SLC19A2: variants seen among roughly 807,000 people sequenced by gnomAD.
SLC19A2 encodes solute carrier family 19 member 2.
Under a neutral mutation model 44.7 loss-of-function variants are expected in SLC19A2, and 27 were observed. The observed-to-expected ratio is 0.60, with a 90% CI of 0.45 to 0.83. The LOEUF (loss-of-function observed/expected upper bound fraction) is 0.83. Among genes scored for constraint, SLC19A2 ranks in the 40% least tolerant of loss-of-function variants. The pLI, the probability that SLC19A2 is intolerant of heterozygous loss-of-function variation, is 0.00. For missense variants in SLC19A2, 566 were observed against 613.7 expected (o/e 0.92, Z 0.82); for synonymous variants, 239 against 243.6 (o/e 0.98, Z 0.18).
intron 1 of SLC19A2, among the ~76,000 whole-genome samples, chr1:169,478,246 T>C (rs540141892): frequency 6.6e-6 from 1 of 152,148 alleles, no homozygotes; most frequent in Non-Finnish European, 1.5e-5. Context: ...CCTAATAAAT[T>C]CTTCCCATTA....
At chr1:169,474,541 T>G (rs1658266451) in intron 2 of SLC19A2, among the ~76,000 whole-genome samples, 1 of 152,130 alleles carries the variant, frequency 6.6e-6, no homozygotes, top group South Asian at 2.1e-4. Flanking sequence ...AGACTCTCTT[T>G]AAAAATAACT....
intron 1 of SLC19A2, among the ~76,000 whole-genome samples, chr1:169,481,145 A>C (rs960806141): frequency 2.6e-5 from 4 of 152,206 alleles, no homozygotes; most frequent in African/African-American, 9.7e-5. Flanking sequence ...CATAATAACA[A>C]ACCTCTACTG....
In SLC19A2 at chr1:169,485,907, G is replaced by C. The variant is rs1658556624; in HGVS notation, c.-141C>G. The C allele has an allele frequency of 3.0e-6, 3 of 1,003,752 alleles. No homozygotes were observed. Among genetic ancestry groups the C allele is most frequent in the Non-Finnish European group, 4.3e-6 (3 of 704,998 alleles). The allele number at this position is 1,003,752 out of a possible 1,614,324, so 62.2% of individuals were successfully genotyped here. On this transcript the variant is annotated 5_prime_UTR_variant, in exon 1 of 6. Coordinates refer to ENST00000236137, the MANE Select transcript of SLC19A2 (RefSeq NM_006996.3). ...ACGTTCTGGACTCGCCGCCGCCTCC[G>C]GCTACAGAACCCCCAGCTTTACCCT...
At chr1:169,469,861 C>A (rs1571532501) in intron 3 of SLC19A2, 103 bp downstream of exon 3, 1 of 1,050,006 alleles carries the variant, frequency 9.5e-7, no homozygotes, top group East Asian at 2.4e-5. Flanking sequence ...TTTTTTGAGG[C>A]TATTTCAAAT....
At chr1:169,476,000 G>A (rs1033400410) in intron 2 of SLC19A2, among the ~76,000 whole-genome samples, 1 of 152,118 alleles carries the variant, frequency 6.6e-6, no homozygotes, top group South Asian at 2.1e-4. Context: ...AGCTCAGTCC[G>A]ACTGAGGCCA....
At chr1:169,471,703 TATAC>T (rs1331956370) in intron 2 of SLC19A2, among the ~76,000 whole-genome samples, 11 of 138,942 alleles carry the variant, frequency 7.9e-5, no homozygotes, top group African/African-American at 2.6e-4. Flanking sequence ...TGTGTGTATA[TATAC>T]ACACACACCA....
chr1:169,481,535 T>C (rs1039778298), intron 1 of SLC19A2, among the ~76,000 whole-genome samples: 1 of 152,244 alleles, frequency 6.6e-6, no homozygotes, highest in African/African-American at 2.4e-5. Context: ...AGGCAGATCC[T>C]TTTCTTTTTC....
intron 2 of SLC19A2, among the ~76,000 whole-genome samples, chr1:169,471,811 C>T (rs1658191810): frequency 6.6e-6 from 1 of 151,664 alleles, no homozygotes; most frequent in Non-Finnish European, 1.5e-5. Context: ...CCATTTTCTC[C>T]CTCAGAGGCT....
chr1:169,467,826 G>A (rs1658071435), intron 5 of SLC19A2, among the ~76,000 whole-genome samples: 1 of 152,152 alleles, frequency 6.6e-6, no homozygotes, highest in Non-Finnish European at 1.5e-5. Flanking sequence ...TGAGGAAGCA[G>A]AAGGTCTTGG....
intron 1 of SLC19A2, among the ~76,000 whole-genome samples, chr1:169,478,900 C>G (rs1319748655): frequency 6.6e-6 from 1 of 151,508 alleles, no homozygotes; most frequent in Non-Finnish European, 1.5e-5. Flanking sequence ...ACACTCCAGT[C>G]TGTATGACAG....
chr1:169,485,329 G>A (rs1658530428), intron 1 of SLC19A2, among the ~76,000 whole-genome samples: 2 of 152,334 alleles, frequency 1.3e-5, no homozygotes, highest in South Asian at 2.1e-4. Flanking sequence ...GACGCACAAG[G>A]CACGGGGCCT....
At chr1:169,469,738 T>C (rs1369618012) in intron 3 of SLC19A2, among the ~76,000 whole-genome samples, 1 of 152,196 alleles carries the variant, frequency 6.6e-6, no homozygotes, top group Non-Finnish European at 1.5e-5. Context: ...AATTATTATA[T>C]TAGGTTTACT....
intron 1 of SLC19A2, among the ~76,000 whole-genome samples, chr1:169,481,485 T>G (rs1166192574): frequency 6.6e-6 from 1 of 152,246 alleles, no homozygotes; most frequent in African/African-American, 2.4e-5. Context: ...CATGAAGAGA[T>G]AAAGACTACA....
chr1:169,474,662 A>G (rs1333906053), intron 2 of SLC19A2, among the ~76,000 whole-genome samples: 2 of 152,190 alleles, frequency 1.3e-5, no homozygotes, highest in Non-Finnish European at 2.9e-5. Context: ...CTACTCTTCA[A>G]TAATTACCAC....
intron 5 of SLC19A2, among the ~76,000 whole-genome samples, chr1:169,466,903 T>C (rs144294002): frequency 8.1e-4 from 123 of 152,294 alleles, no homozygotes; most frequent in African/African-American, 2.8e-3. Context: ...ACATACTAAA[T>C]ACTTACAAAC....
chr1:169,481,740 G>C lies in SLC19A2; in HGVS notation c.204+3823C>G, dbSNP rs16862212. ...ACCAAGGTGCCTTTCACAACTCTTT[G>C]GATCAGTGCTTGTGTTTTCTTGAGC... On this transcript the variant is annotated intron_variant, in intron 1 of 5. Coordinates refer to ENST00000236137, the MANE Select transcript of SLC19A2 (RefSeq NM_006996.3). Among the ~76,000 whole-genome samples the C allele has an allele frequency of 1.0e-3, 154 of 152,256 alleles. 2 individuals are homozygous for C. Among genetic ancestry groups the C allele is most frequent in the African/African-American group, 3.7e-3 (152 of 41,548 alleles).
At chr1:169,475,800 G>C (rs939957863) in intron 2 of SLC19A2, among the ~76,000 whole-genome samples, 1 of 152,172 alleles carries the variant, frequency 6.6e-6, no homozygotes, top group Non-Finnish European at 1.5e-5. Context: ...GTCTACCCAG[G>C]CTCTCTGGGA....
At position 169,485,853 on chromosome 1, in the gene SLC19A2, G is replaced by T. The variant is rs1198972153; in HGVS notation, c.-87C>A. ...GTGAGGGTCAGGCACTTGTAACCGC[G>T]AGTGACGCCTTCTCCCTGTAAGGCC... On this transcript the variant is annotated 5_prime_UTR_variant, in exon 1 of 6. Coordinates refer to ENST00000236137, the MANE Select transcript of SLC19A2 (RefSeq NM_006996.3). 2.2e-6 allele frequency: 3 copies of T among 1,380,140 alleles called. No homozygotes were observed. The highest frequency in any genetic ancestry group is 1.5e-5 in the African/African-American group (1 of 68,720). The allele number at this position is 1,380,140 out of a possible 1,614,324, so 85.5% of individuals were successfully genotyped here. A position where few individuals can be genotyped will look rare whatever the true frequency, so the allele number is the denominator to read the frequency against.
chr1:169,477,204 A>G lies in SLC19A2; in HGVS notation c.758T>C (p.Ile253Thr). The change falls in exon 2 of 6, where the codon ATT (isoleucine) becomes ACT (threonine). Residue 253 changes from isoleucine (I) to threonine (T), a missense_variant. Physicochemically the swap from Ile to Thr is moderately conservative, Grantham distance 89 (BLOSUM62 -1). Coordinates refer to ENST00000236137, the MANE Select transcript of SLC19A2 (RefSeq NM_006996.3). ...CATATTTAGAGGGATTTTTGACTCA[A>G]TGTCCTCCCAGCCAGGAAGGTGGTT... Reference protein sequence around the residue: ...ASNHLPGWEDIESKIPLNMEE... With the variant: ...ASNHLPGWEDTESKIPLNMEE... 6.2e-7 allele frequency: 1 copy of G among 1,614,080 alleles called. No individual in the cohort carries two copies. The highest frequency in any genetic ancestry group is 8.5e-7 in the Non-Finnish European group (1 of 1,180,008).
Sources: gnomAD v4.1 joint callset for allele counts (sites outside exome capture counted in the v4.1 genomes callset) on GRCh38, gnomAD v4.1.1 for gene constraint, MANE v1.5 for transcripts, NCBI Gene and HGNC (gene_info 2026-07-23, HGNC 2026-07-21) for gene names.